The following TSPAN15 variants were observed in gnomAD, a reference collection of about 807,000 sequenced individuals.
TSPAN15 encodes tetraspanin 15, also known as tetraspanin-15.
A neutral mutation model predicts 34.5 loss-of-function variants in TSPAN15; 20 were observed. That is an observed-to-expected ratio of 0.58 (90% CI 0.41 to 0.84). The LOEUF (loss-of-function observed/expected upper bound fraction) is 0.84. TSPAN15 is among the 40% of genes least tolerant of loss of function. TSPAN15 has a pLI of 0.00. For synonymous variants in TSPAN15, 155 were observed against 153.9 expected, an observed-to-expected ratio of 1.01 and a Z score of -0.05; for missense variants, 313 against 386.1, an observed-to-expected ratio of 0.81 and a Z score of 1.59.
In TSPAN15 at chr10:69,475,527, C is replaced by G. The variant is rs369286810; in HGVS notation, c.97-8164C>G. 5.3e-5 allele frequency among the ~76,000 whole-genome samples: 8 copies of G among 152,270 alleles called. No homozygotes were observed. The East Asian group carries it at 1.5e-3, about 29-fold the overall frequency. On this transcript the variant is annotated intron_variant, in intron 1 of 7. Coordinates refer to ENST00000373290, the MANE Select transcript of TSPAN15 (RefSeq NM_012339.5). ...TCCCCAAACTCTTCCCCAAAACAGCCCAGGGCATGCCATCCCCACTCCCAC... is the reference window on the plus strand; with the variant it reads ...TCCCCAAACTCTTCCCCAAAACAGCGCAGGGCATGCCATCCCCACTCCCAC...
At chr10:69,464,457 G>T (rs1190282250) in intron 1 of TSPAN15, among the ~76,000 whole-genome samples, 2 of 152,234 alleles carry the variant, frequency 1.3e-5, no homozygotes, top group Non-Finnish European at 2.9e-5. Flanking sequence ...AGGCCAGGGG[G>T]CCATGCCCTA....
intron 1 of TSPAN15, among the ~76,000 whole-genome samples, chr10:69,463,501 G>T (rs1029520937): frequency 6.6e-6 from 1 of 152,072 alleles, no homozygotes; most frequent in Non-Finnish European, 1.5e-5. Flanking sequence ...GGGTTGAGTC[G>T]TGGCCTCATC....
intron 1 of TSPAN15, among the ~76,000 whole-genome samples, chr10:69,459,105 CAAAA>C (rs1259881929): frequency 3.5e-5 from 2 of 57,734 alleles, no homozygotes; most frequent in Non-Finnish European, 7.8e-5. Flanking sequence ...ACAAAACAGA[CAAAA>C]AAAAAAAAAA....
chr10:69,506,877 A>G lies in TSPAN15; in HGVS notation c.784A>G (p.Ile262Val), dbSNP rs980260618. The change falls in exon 8 of 8, where the codon ATC becomes GTC. Residue 262 changes from isoleucine (I) to valine (V), a missense_variant. Transcript: ENST00000373290. This position sits in a 1 kb window ranked among gnomAD's most constrained non-coding sequence, Gnocchi z 4.7. ...GCTGTACATCACCCGGGTGGAGGACATCATCATGGAGCACTCTGTCACTGA... is the reference window on the plus strand; with the variant it reads ...GCTGTACATCACCCGGGTGGAGGACGTCATCATGGAGCACTCTGTCACTGA... The part of the protein sequence containing the change: ...TLLYITRVED[I>V]IMEHSVTDGL... The G allele has an allele frequency of 2.5e-6, 4 of 1,603,808 alleles. No homozygotes were observed. The African/African-American group carries it at 5.3e-5, about 21-fold the overall frequency.
the TSPAN15 span, among the ~76,000 whole-genome samples, chr10:69,538,217 C>T: frequency 6.6e-6 from 1 of 152,268 alleles, no homozygotes; most frequent in African/African-American, 2.4e-5. Flanking sequence ...CATTCCCTAA[C>T]AGGAATGGAT....
intron 1 of TSPAN15, among the ~76,000 whole-genome samples, chr10:69,459,126 C>T (rs7093123): frequency 6.0e-4 from 29 of 48,146 alleles, no homozygotes; most frequent in Admixed American, 2.6e-3. Context: ...AAAAAAAAAA[C>T]AACAACAAAA....
the TSPAN15 span, among the ~76,000 whole-genome samples, chr10:69,530,804 CTCTCTCTCTCTCTCTCTATATATA>C: frequency 4.4e-5 from 3 of 67,876 alleles, no homozygotes; most frequent in East Asian, 6.3e-4. Flanking sequence ...CTCTCTCTCT[CTCTCTCTCTCTCTCTCTATATATA>C]TATATATATA....
chr10:69,511,821 T>G (rs1564620450), downstream of TSPAN15, among the ~76,000 whole-genome samples: 1 of 152,000 alleles, frequency 6.6e-6, no homozygotes, highest in African/African-American at 2.4e-5. Flanking sequence ...GCCATCATTC[T>G]CGGCAAACTG....
intron 1 of TSPAN15, among the ~76,000 whole-genome samples, chr10:69,472,194 C>G (rs1841520664): frequency 6.6e-6 from 1 of 152,156 alleles, no homozygotes; most frequent in Non-Finnish European, 1.5e-5. Flanking sequence ...CTCCCCTTCC[C>G]TCATCCTCTG....
At chr10:69,539,836 G>C in the TSPAN15 span, among the ~76,000 whole-genome samples, 3 of 152,190 alleles carry the variant, frequency 2.0e-5, no homozygotes, top group Non-Finnish European at 4.4e-5. Flanking sequence ...ATGGGAAAGA[G>C]TGTACAACAC....
chr10:69,462,126 A>G (rs896970775), intron 1 of TSPAN15, among the ~76,000 whole-genome samples: 10 of 144,660 alleles, frequency 6.9e-5, no homozygotes, highest in Non-Finnish European at 1.2e-4. Context: ...AACCACAGGC[A>G]TGTGCCACCA....
At chr10:69,545,642 G>A in the TSPAN15 span, among the ~76,000 whole-genome samples, 5 of 152,236 alleles carry the variant, frequency 3.3e-5, no homozygotes, top group Non-Finnish European at 7.3e-5. Flanking sequence ...GGAGGTAGCT[G>A]AGGCTGGCTA....
chr10:69,504,322 C>T (rs1842278578), intron 5 of TSPAN15, 116 bp from the exon 6 acceptor site: 1 of 901,356 alleles, frequency 1.1e-6, no homozygotes. Flanking sequence ...CAGCTCCATC[C>T]CTGCTGGACG....
chr10:69,476,740 G>A (rs1841622452), intron 1 of TSPAN15, among the ~76,000 whole-genome samples: 2 of 152,236 alleles, frequency 1.3e-5, no homozygotes, highest in Admixed American at 6.5e-5. Context: ...AAGTGAATGC[G>A]CCTTTGCTGG....
rs567264595 is a variant in TSPAN15, at chr10:69,507,594, G to T, written c.*616G>T. On this transcript the variant is annotated 3_prime_UTR_variant, in exon 8 of 8. Coordinates refer to ENST00000373290, the MANE Select transcript of TSPAN15 (RefSeq NM_012339.5). ...GACTAATCAAAGCTGGTATTTCCCCGCATGTCTTATTCTTGCCCTTCCCCC... is the reference window on the plus strand; with the variant it reads ...GACTAATCAAAGCTGGTATTTCCCCTCATGTCTTATTCTTGCCCTTCCCCC... 1 of 1,302,510 alleles carries T rather than the reference G, an allele frequency of 7.7e-7. No homozygotes were observed. Among genetic ancestry groups the T allele is most frequent in the Non-Finnish European group, 1.0e-6 (1 of 988,688 alleles). The allele number at this position is 1,302,510 out of a possible 1,614,324, so 80.7% of individuals were successfully genotyped here.
intron 1 of TSPAN15, among the ~76,000 whole-genome samples, chr10:69,466,271 C>T (rs10823388): frequency 0.4 from 60,216 of 151,850 alleles, 12,451 homozygotes; most frequent in Non-Finnish European, 0.45. Context: ...AGACCCGGGT[C>T]GCAGCTGCTG....
chr10:69,545,155 T>A, the TSPAN15 span, among the ~76,000 whole-genome samples: 1 of 152,168 alleles, frequency 6.6e-6, no homozygotes, highest in Non-Finnish European at 1.5e-5. Flanking sequence ...GCCCCAAGGA[T>A]GGCACAGTGC....
At chr10:69,518,517 G>A in the TSPAN15 span, among the ~76,000 whole-genome samples, 4 of 152,218 alleles carry the variant, frequency 2.6e-5, no homozygotes, top group Admixed American at 2.6e-4. Flanking sequence ...TCCACCTCGT[G>A]GGTTCAAGCG....
intron 1 of TSPAN15, among the ~76,000 whole-genome samples, chr10:69,459,180 T>C (rs528961292): frequency 6.8e-6 from 1 of 146,604 alleles, no homozygotes; most frequent in African/African-American, 2.5e-5. Flanking sequence ...TGGGTTTGAA[T>C]TGACTTCTTG....
Sources: allele counts gnomAD v4.1 joint callset (sites outside exome capture counted in the v4.1 genomes callset), GRCh38; gene constraint gnomAD v4.1.1; non-coding constraint Gnocchi (gnomAD v3.1); transcripts MANE v1.5; gene names NCBI Gene and HGNC (gene_info 2026-07-23, HGNC 2026-07-21).